URI1: variants seen among roughly 807,000 people sequenced by gnomAD.
The protein encoded by URI1 is URI1 prefoldin like chaperone, also known as unconventional prefoldin RPB5 interactor 1.
Under a neutral mutation model 60.2 loss-of-function variants are expected in URI1, and 39 were observed. The ratio of observed to expected loss-of-function variants is 0.65; its 90% CI spans 0.50 to 0.85. The LOEUF is 0.85. Among genes scored for constraint, URI1 ranks in the 40% least tolerant of loss-of-function variants. URI1 has a pLI of 0.00. For synonymous variants in URI1, 251 were observed against 236.8 expected (o/e 1.06, Z -0.55); for missense variants, 691 against 665.9 (o/e 1.04, Z -0.42).
intron 4 of URI1, among the ~76,000 whole-genome samples, chr19:29,992,401 T>C (rs1379503770): frequency 6.6e-6 from 1 of 152,224 alleles, no homozygotes; most frequent in Non-Finnish European, 1.5e-5. Flanking sequence ...AGCATGGATC[T>C]TTCCTTTTTA....
chr19:29,970,444 T>G (rs1459402450), intron 1 of URI1, among the ~76,000 whole-genome samples: 1 of 152,086 alleles, frequency 6.6e-6, no homozygotes, highest in Non-Finnish European at 1.5e-5. Flanking sequence ...ATAGTGTTAT[T>G]TTTTTAAATT....
At chr19:29,961,768 C>T (rs1274794405) in intron 1 of URI1, among the ~76,000 whole-genome samples, 1 of 151,026 alleles carries the variant, frequency 6.6e-6, no homozygotes, top group East Asian at 1.9e-4. Flanking sequence ...TCACTGCAAC[C>T]TCTATCTCCT....
chr19:29,934,863 C>T (rs2054955616), intron 1 of URI1, among the ~76,000 whole-genome samples: 1 of 152,150 alleles, frequency 6.6e-6, no homozygotes, highest in Non-Finnish European at 1.5e-5. Flanking sequence ...AGCCAACATG[C>T]CCATATTATT....
upstream of URI1, among the ~76,000 whole-genome samples, chr19:29,940,264 G>A (rs898046375): frequency 2.0e-5 from 3 of 152,028 alleles, no homozygotes; most frequent in African/African-American, 7.3e-5. Context: ...GGTCTGGGGG[G>A]CTGTCTGATA....
At chr19:29,935,855 T>G (rs1307886457) in intron 1 of URI1, among the ~76,000 whole-genome samples, 3 of 151,970 alleles carry the variant, frequency 2.0e-5, no homozygotes, top group African/African-American at 7.3e-5. Flanking sequence ...GGTGCCGTCT[T>G]GGCTCACTGC....
At chr19:30,013,841 G>C (rs1394985657) in intron 10 of URI1, among the ~76,000 whole-genome samples, 7 of 152,108 alleles carry the variant, frequency 4.6e-5, no homozygotes, top group African/African-American at 1.2e-4. Flanking sequence ...GCTTTAAGCT[G>C]CTTTTACCAG....
At chr19:29,926,903 G>A (rs541261606) in intron 1 of URI1, among the ~76,000 whole-genome samples, 1 of 152,226 alleles carries the variant, frequency 6.6e-6, no homozygotes, top group Non-Finnish European at 1.5e-5. Flanking sequence ...CTAGGCTCAT[G>A]CATGGCTCGG....
At chr19:30,012,846 G>T in intron 10 of URI1, 1 of 223,930 alleles carries the variant, frequency 4.5e-6, no homozygotes, top group Non-Finnish European at 8.8e-6. Flanking sequence ...ATTACCAGTA[G>T]GTCATTTTCT....
upstream of URI1, among the ~76,000 whole-genome samples, chr19:29,941,323 T>G (rs2055021218): frequency 6.6e-6 from 1 of 152,114 alleles, no homozygotes; most frequent in African/African-American, 2.4e-5. Flanking sequence ...CTAAAATAAT[T>G]GGAACGGCCA....
At chr19:29,972,132 G>C (rs2055467891) in intron 2 of URI1, among the ~76,000 whole-genome samples, 1 of 151,998 alleles carries the variant, frequency 6.6e-6, no homozygotes, top group African/African-American at 2.4e-5. Flanking sequence ...ATGCACATAG[G>C]CTGCAGGCAG....
In URI1 at chr19:29,956,469, T is replaced by A. The variant is rs565459281; in HGVS notation, c.117+13805T>A. 9 of 1,590,244 alleles carry A rather than the reference T, an allele frequency of 5.7e-6. No individual in the cohort carries two copies. The Admixed American group carries it at 1.2e-4, about 21-fold the overall frequency. On this transcript the variant is annotated intron_variant, in intron 1 of 10. Coordinates refer to ENST00000392271, the MANE Select transcript of URI1 (RefSeq NM_003796.3). ...CAGAGACATAGATACCATCCAAAAA[T>A]TTCCTGATATCCTTGTTTTTAACTG...
Position 29,951,769 on chromosome 19 carries a change from A to G in URI1, c.117+9105A>G, listed in dbSNP as rs191296889. On this transcript the variant is annotated intron_variant, in intron 1 of 10. Transcript: ENST00000392271. Reference sequence around the variant, plus strand: ...CACCATGTTGGCCAGGCTGGTCTCGATCTCCTGACCTCAGGTGATCCACCT... The same window carrying G: ...CACCATGTTGGCCAGGCTGGTCTCGGTCTCCTGACCTCAGGTGATCCACCT... 3.3e-5 allele frequency among the ~76,000 whole-genome samples: 5 copies of G among 152,162 alleles called. No homozygotes were observed. In the East Asian group the frequency reaches 5.8e-4, roughly 18 times the overall value.
chr19:29,926,575 C>A (rs1004145896), intron 1 of URI1, among the ~76,000 whole-genome samples: 2 of 152,210 alleles, frequency 1.3e-5, no homozygotes, highest in Non-Finnish European at 2.9e-5. Context: ...AGCCACCTCA[C>A]CCAGCCTTAG....
At chr19:29,971,460 G>A (rs2055458820) in intron 2 of URI1, among the ~76,000 whole-genome samples, 1 of 150,868 alleles carries the variant, frequency 6.6e-6, no homozygotes, top group African/African-American at 2.5e-5. Flanking sequence ...TTTATTCTAA[G>A]TGCCTTTTCT....
At chr19:29,954,982 T>G (rs2055226238) in intron 1 of URI1, among the ~76,000 whole-genome samples, 1 of 152,194 alleles carries the variant, frequency 6.6e-6, no homozygotes, top group South Asian at 2.1e-4. Flanking sequence ...ATTACTCTGG[T>G]TCATAGAGAT....
chr19:29,978,377 TCTGA>T (rs1352047632), intron 2 of URI1, among the ~76,000 whole-genome samples: 1 of 152,190 alleles, frequency 6.6e-6, no homozygotes, highest in Admixed American at 6.5e-5. Flanking sequence ...AAGTCCAGTA[TCTGA>T]CTGAGGCAAA....
chr19:29,982,285 A>G (rs2055608678), intron 2 of URI1, among the ~76,000 whole-genome samples: 1 of 152,248 alleles, frequency 6.6e-6, no homozygotes, highest in Non-Finnish European at 1.5e-5. Context: ...TTCCAGAGAG[A>G]ATTATTAATA....
chr19:29,975,129 C>T (rs1253472534), intron 2 of URI1, among the ~76,000 whole-genome samples: 1 of 151,284 alleles, frequency 6.6e-6, no homozygotes, highest in Non-Finnish European at 1.5e-5. Context: ...AATGGTTGTT[C>T]AGTTTAGTTC....
intron 1 of URI1, among the ~76,000 whole-genome samples, chr19:29,944,192 T>TATAA (rs2055074573): frequency 2.7e-5 from 3 of 110,508 alleles, no homozygotes; most frequent in Non-Finnish European, 5.6e-5. Context: ...TATATATATA[T>TATAA]AAAACTTAAC....
Sources: allele counts gnomAD v4.1 joint callset (sites outside exome capture counted in the v4.1 genomes callset), GRCh38; gene constraint gnomAD v4.1.1; transcripts MANE v1.5; gene names NCBI Gene and HGNC (gene_info 2026-07-23, HGNC 2026-07-21).